TTLL1: variants seen among roughly 807,000 people sequenced by gnomAD.
The protein encoded by TTLL1 is TTL family tubulin polyglutamylase complex subunit L1, also known as polyglutamylase complex subunit TTLL1.
Under a neutral mutation model 47.8 loss-of-function variants are expected in TTLL1, and 33 were observed. That is an observed-to-expected ratio of 0.69 (90% CI 0.52 to 0.92). TTLL1 has a LOEUF of 0.92. TTLL1 is among the 40% of genes least tolerant of loss of function. The pLI is 0.00. For missense variants in TTLL1, 488 were observed against 547.5 expected (o/e 0.89, Z 1.08); for synonymous variants, 225 against 214.1 (o/e 1.05, Z -0.45).
At chr22:43,066,960 C>A (rs1418756055) in intron 5 of TTLL1, among the ~76,000 whole-genome samples, 8 of 151,876 alleles carry the variant, frequency 5.3e-5, no homozygotes, top group African/African-American at 1.9e-4. Flanking sequence ...TGTACTCCAG[C>A]CTGGGCAACA....
At chr22:43,042,891 T>C (rs1207200980) in intron 10 of TTLL1, among the ~76,000 whole-genome samples, 1 of 151,742 alleles carries the variant, frequency 6.6e-6, no homozygotes, top group African/African-American at 2.4e-5. Flanking sequence ...TTCACCTTGT[T>C]GTCTCTTCAA....
At chr22:43,044,437 G>A in intron 10 of TTLL1, among the ~76,000 whole-genome samples, 1 of 152,180 alleles carries the variant, frequency 6.6e-6, no homozygotes, top group East Asian at 1.9e-4. Context: ...AGCTAAGCAT[G>A]GGCTTCAGAG....
In TTLL1 at chr22:43,059,503, C is replaced by T. The variant is rs745383452; in HGVS notation, c.772G>A (p.Gly258Ser). 3.1e-6 allele frequency: 5 copies of T among 1,613,428 alleles called. No individual in the cohort carries two copies. The Admixed American group carries it at 6.7e-5, about 22-fold the overall frequency. The change falls in exon 8 of 11, where the codon GGC becomes AGC. Residue 258 changes from glycine to serine, a missense_variant. Gly to Ser is a moderately conservative substitution (Grantham distance 56). Coordinates refer to ENST00000266254, the MANE Select transcript of TTLL1 (RefSeq NM_012263.5). ...HGEDYNHIHG[G>S]KWTVSNLRLY... ...CGCAGGTTACTCACTGTCCACTTGCCCCCATGGATGTGGTTGTAGTCCTCC... is the reference window on the plus strand; with the variant it reads ...CGCAGGTTACTCACTGTCCACTTGCTCCCATGGATGTGGTTGTAGTCCTCC...
intron 7 of TTLL1, 140 bp from the exon 8 acceptor site, chr22:43,059,667 GC>G: frequency 9.4e-7 from 1 of 1,065,840 alleles, no homozygotes; most frequent in Non-Finnish European, 1.3e-6. Context: ...CCAGACCCCT[GC>G]CCCAGGGAGA....
intron 5 of TTLL1, among the ~76,000 whole-genome samples, chr22:43,065,410 C>T (rs1407570179): frequency 4.6e-5 from 7 of 151,642 alleles, no homozygotes; most frequent in Non-Finnish European, 1.0e-4. Context: ...CTGCCTCAGC[C>T]TCCTGAGTAG....
In TTLL1 at chr22:43,064,351, TA is replaced by T. The variant is rs781342582; in HGVS notation, c.504-28del. 16 of 1,602,078 alleles carry T rather than the reference TA, an allele frequency of 1.0e-5. No homozygotes were observed. The South Asian group carries it at 1.7e-4, about 17-fold the overall frequency. On this transcript the variant is annotated intron_variant, in intron 5 of 10. Coordinates refer to ENST00000266254, the MANE Select transcript of TTLL1 (RefSeq NM_012263.5). ...TAAACATGGCAGAGAAAGTAAAAAT[TA>T]GATGGTAAAAGATGCAATAACGAAG...
chr22:43,080,901 A>ATT (rs1928831828), intron 1 of TTLL1, among the ~76,000 whole-genome samples: 1 of 46,190 alleles, frequency 2.2e-5, no homozygotes, highest in African/African-American at 6.0e-5. Flanking sequence ...GTGTTGCATG[A>ATT]CTTTTTTTTT....
rs1382451074 is a variant in TTLL1, at chr22:43,039,799, C to T, written c.1249G>A (p.Ala417Thr). ...ACTCACTTCCAGGTGGTGAGGACCG[C>T]TCTCCCCGAGTCTCTCGATCGGCCT... ...RAGRSRDSGR[A>T]VLTTWK The change falls in exon 11 of 11, where the codon GCG becomes ACG. Residue 417 changes from alanine (A) to threonine (T), a missense_variant. Transcript: ENST00000266254. 2 of 1,613,226 alleles carry T rather than the reference C, an allele frequency of 1.2e-6. No individual in the cohort carries two copies. The highest frequency in any genetic ancestry group is 1.7e-6 in the Non-Finnish European group (2 of 1,179,512).
At chr22:43,048,446 G>A (rs1926326706) in intron 9 of TTLL1, among the ~76,000 whole-genome samples, 1 of 149,396 alleles carries the variant, frequency 6.7e-6, no homozygotes, top group South Asian at 2.1e-4. Context: ...ACTAGCCTAG[G>A]CAACACAGCG....
chr22:43,066,253 C>G (rs75811214), intron 5 of TTLL1, among the ~76,000 whole-genome samples: 1 of 151,932 alleles, frequency 6.6e-6, no homozygotes, highest in Non-Finnish European at 1.5e-5. Flanking sequence ...AACACGCTCC[C>G]GGCCTCTCAC....
chr22:43,066,977 G>C (rs755751750), intron 5 of TTLL1, among the ~76,000 whole-genome samples: 5 of 151,462 alleles, frequency 3.3e-5, no homozygotes, highest in Admixed American at 6.6e-5. Context: ...AACAGAGTGA[G>C]ACTCCATCTC....
chr22:43,039,584 G>T lies in TTLL1; in HGVS notation c.*192C>A. 2 of 530,050 alleles carry T rather than the reference G, an allele frequency of 3.8e-6. No homozygotes were observed. The highest frequency in any genetic ancestry group is 4.5e-5 in the East Asian group (1 of 22,330). 32.8% of individuals were successfully genotyped at this position (530,050 alleles called of 1,614,324 possible). On this transcript the variant is annotated 3_prime_UTR_variant, in exon 11 of 11. Transcript: ENST00000266254. ...GGTTAAAAATTAAAAAAAAAAGAGCGAGTTTTATACATCCGCATGAATTGT... is the reference window on the plus strand; with the variant it reads ...GGTTAAAAATTAAAAAAAAAAGAGCTAGTTTTATACATCCGCATGAATTGT...
intron 2 of TTLL1, among the ~76,000 whole-genome samples, chr22:43,079,449 C>T (rs149683594): frequency 3.9e-5 from 6 of 152,380 alleles, no homozygotes; most frequent in Admixed American, 6.5e-5. Context: ...CACGGGGCCA[C>T]GCCAATGGCT....
rs192676972 is a variant in TTLL1 at position 43,062,003 on chromosome 22, G to C, written c.747+1810C>G. On this transcript the variant is annotated intron_variant, in intron 7 of 10. Coordinates refer to ENST00000266254, the MANE Select transcript of TTLL1 (RefSeq NM_012263.5). Reference sequence around the variant, plus strand: ...CAGTTTGTAATTTCATGTTCATCAGGGTGATTATTTGATGACTATCTCCCC... The same window carrying C: ...CAGTTTGTAATTTCATGTTCATCAGCGTGATTATTTGATGACTATCTCCCC... Among the ~76,000 whole-genome samples the C allele has an allele frequency of 2.0e-5, 3 of 152,218 alleles. No homozygotes were observed. In the East Asian group the frequency reaches 5.8e-4, roughly 29 times the overall value.
chr22:43,052,583 A>C (rs1926715601), intron 8 of TTLL1, among the ~76,000 whole-genome samples: 3 of 151,852 alleles, frequency 2.0e-5, no homozygotes, highest in African/African-American at 7.3e-5. Flanking sequence ...TCTACAAAAA[A>C]TAAAAAATTT....
At chr22:43,050,520 T>G (rs1227276744) in intron 9 of TTLL1, among the ~76,000 whole-genome samples, 1 of 151,854 alleles carries the variant, frequency 6.6e-6, no homozygotes, top group African/African-American at 2.4e-5. Context: ...TTTGTTTTTT[T>G]TTTTGTTTGT....
chr22:43,052,092 G>A, intron 8 of TTLL1: 1 of 577,932 alleles, frequency 1.7e-6, no homozygotes, highest in South Asian at 1.9e-5. Context: ...CCTGATAGAG[G>A]GAATTGATGA....
chr22:43,058,105 G>A (rs1470027770), intron 8 of TTLL1, among the ~76,000 whole-genome samples: 4 of 151,806 alleles, frequency 2.6e-5, no homozygotes, highest in Admixed American at 6.6e-5. Flanking sequence ...TACCACGCCC[G>A]GCAAATTTTT....
At chr22:43,060,382 C>T (rs896581643) in intron 7 of TTLL1, among the ~76,000 whole-genome samples, 1 of 152,262 alleles carries the variant, frequency 6.6e-6, no homozygotes, top group East Asian at 1.9e-4. Flanking sequence ...TCCAGGACAG[C>T]TCTGCAGGGC....
Sources: gnomAD v4.1 joint callset for allele counts (sites outside exome capture counted in the v4.1 genomes callset) on GRCh38, gnomAD v4.1.1 for gene constraint, MANE v1.5 for transcripts, NCBI Gene and HGNC (gene_info 2026-07-23, HGNC 2026-07-21) for gene names.